ERGIC1: variants seen among roughly 807,000 people sequenced by gnomAD.
The protein encoded by ERGIC1 is endoplasmic reticulum-Golgi intermediate compartment protein 1.
In ERGIC1, 19 loss-of-function variants were observed where a neutral mutation model predicts 38.3. The observed-to-expected ratio is 0.50, with a 90% CI of 0.35 to 0.73. ERGIC1 has a LOEUF of 0.73. Ranked by LOEUF, ERGIC1 falls within the 30% of genes least tolerant of loss-of-function variation. The probability of loss-of-function intolerance (pLI) is 0.01; values close to 1 mark genes in which losing one functional copy is unlikely to be tolerated. For missense variants in ERGIC1, 294 were observed against 389.2 expected (o/e 0.76, Z 2.06); for synonymous variants, 124 against 157.6 (o/e 0.79, Z 1.60).
chr5:172,858,959 G>C (rs893523119), intron 1 of ERGIC1, among the ~76,000 whole-genome samples: 2 of 152,234 alleles, frequency 1.3e-5, no homozygotes, highest in Admixed American at 6.5e-5. Context: ...TACAAGGCCT[G>C]TGGCTGGGGG....
At chr5:172,879,170 G>A (rs1762220095) in intron 1 of ERGIC1, among the ~76,000 whole-genome samples, 1 of 152,244 alleles carries the variant, frequency 6.6e-6, no homozygotes. Context: ...GTCCCAAGCA[G>A]CAAAAGTTAA....
chr5:172,841,265 G>T (rs1015965392), intron 1 of ERGIC1, among the ~76,000 whole-genome samples: 8 of 152,164 alleles, frequency 5.3e-5, no homozygotes, highest in African/African-American at 1.9e-4. Flanking sequence ...GGAGAGGCAG[G>T]GTGAACTCAG....
At chr5:172,863,528 A>G (rs1244370567) in intron 1 of ERGIC1, among the ~76,000 whole-genome samples, 1 of 152,182 alleles carries the variant, frequency 6.6e-6, no homozygotes, top group African/African-American at 2.4e-5. Flanking sequence ...CTTCAGGCTG[A>G]GTGGCCAGGA....
chr5:172,928,569 C>T (rs912110330), intron 7 of ERGIC1, among the ~76,000 whole-genome samples: 2 of 152,250 alleles, frequency 1.3e-5, no homozygotes, highest in Non-Finnish European at 2.9e-5. Context: ...CTTGTTCTCC[C>T]AGTCATCTGC....
intron 9 of ERGIC1, among the ~76,000 whole-genome samples, chr5:172,941,976 G>GT (rs1764020069): frequency 6.6e-6 from 1 of 152,198 alleles, no homozygotes; most frequent in Non-Finnish European, 1.5e-5. Flanking sequence ...GGAGGCCGAG[G>GT]TGGGCGGATC....
At chr5:172,893,699 G>A (rs1158835653) in intron 2 of ERGIC1, among the ~76,000 whole-genome samples, 2 of 151,232 alleles carry the variant, frequency 1.3e-5, no homozygotes, top group South Asian at 2.1e-4. Flanking sequence ...CAGTGGATTT[G>A]TTCAGCAGCT....
rs1763871267 is a variant in ERGIC1 at position 172,935,514 on chromosome 5, G to GT, written c.765+205dup. The GT allele has an allele frequency of 1.0e-5, 6 of 596,294 alleles. No individual in the cohort carries two copies. The South Asian group carries it at 1.5e-4, about 14-fold the overall frequency. The allele number at this position is 596,294 out of a possible 1,614,324, so 36.9% of individuals were successfully genotyped here. A position where few individuals can be genotyped will look rare whatever the true frequency, so the allele number is the denominator to read the frequency against. ...AACACATCAGTATCGATGACGTTTTGTCTAGAAAGTATTTTCCAGAGGGGA... is the reference window on the plus strand; with the variant it reads ...AACACATCAGTATCGATGACGTTTTGTTCTAGAAAGTATTTTCCAGAGGGGA... On this transcript the variant is annotated intron_variant, in intron 9 of 9. Transcript: ENST00000393784.
At chr5:172,865,804 A>G (rs1385529629) in intron 1 of ERGIC1, among the ~76,000 whole-genome samples, 2 of 151,936 alleles carry the variant, frequency 1.3e-5, no homozygotes, top group Non-Finnish European at 2.9e-5. Context: ...ATTCTTTTTT[A>G]TTGTTATAGT....
chr5:172,935,578 A>C, intron 9 of ERGIC1: 13 of 416,312 alleles, frequency 3.1e-5, no homozygotes, highest in Non-Finnish European at 4.8e-5. Flanking sequence ...GCAAATCTCC[A>C]TATGGTTCCA....
In ERGIC1 at chr5:172,924,763, A is replaced by T. The variant is rs2112244; in HGVS notation, c.480+654A>T. 3.7e-3 allele frequency among the ~76,000 whole-genome samples: 568 copies of T among 152,212 alleles called. 21 individuals carry two copies. The East Asian group carries it at 0.082, about 22-fold the overall frequency. ...AGTGGGGTGGAAATCTGATTTTTTT[A>T]AAAAAATGTACAGAACTTAGCTTAG... On this transcript the variant is annotated intron_variant, in intron 6 of 9. Coordinates refer to ENST00000393784, the MANE Select transcript of ERGIC1 (RefSeq NM_001031711.3).
chr5:172,855,317 C>T (rs904060406), intron 1 of ERGIC1, among the ~76,000 whole-genome samples: 5 of 152,182 alleles, frequency 3.3e-5, no homozygotes, highest in African/African-American at 1.2e-4. Flanking sequence ...GCTCCACGCC[C>T]CATACCTCTC....
Position 172,857,776 on chromosome 5 carries a change from C to T in ERGIC1, c.20+23343C>T, listed in dbSNP as rs969318180. Among the ~76,000 whole-genome samples, 8 of 152,082 alleles carry T rather than the reference C, an allele frequency of 5.3e-5. No individual in the cohort carries two copies. The East Asian group carries it at 7.7e-4, about 15-fold the overall frequency. The stretch of plus-strand genomic sequence containing the variant: ...CCCCGGGTTCTTGTCTTACAGCTTA[C>T]GTTATGGTTCCTGGAGTGAGAGGAG... On this transcript the variant is annotated intron_variant, in intron 1 of 9. Coordinates refer to ENST00000393784, the MANE Select transcript of ERGIC1 (RefSeq NM_001031711.3).
chr5:172,907,236 C>G (rs980084292), intron 3 of ERGIC1, among the ~76,000 whole-genome samples: 1 of 152,228 alleles, frequency 6.6e-6, no homozygotes, highest in Non-Finnish European at 1.5e-5. Context: ...GAGTGCGAGC[C>G]TGACCCCGTG....
intron 4 of ERGIC1, among the ~76,000 whole-genome samples, chr5:172,911,690 G>C (rs1369111515): frequency 5.3e-5 from 8 of 152,252 alleles, no homozygotes; most frequent in Admixed American, 4.6e-4. Flanking sequence ...ACATCATTCT[G>C]TCCAGCTGGC....
chr5:172,895,031 G>T (rs996774249), intron 2 of ERGIC1, among the ~76,000 whole-genome samples: 2 of 152,260 alleles, frequency 1.3e-5, no homozygotes, highest in Non-Finnish European at 2.9e-5. Flanking sequence ...ATAACTGGCT[G>T]TCACATCCGT....
At chr5:172,861,955 C>A (rs1330123840) in intron 1 of ERGIC1, among the ~76,000 whole-genome samples, 1 of 151,990 alleles carries the variant, frequency 6.6e-6, no homozygotes, top group Non-Finnish European at 1.5e-5. Flanking sequence ...TTAGAAATTC[C>A]TGCCAAGAAC....
intron 1 of ERGIC1, among the ~76,000 whole-genome samples, chr5:172,869,186 C>T (rs1761943034): frequency 6.6e-6 from 1 of 152,200 alleles, no homozygotes; most frequent in Non-Finnish European, 1.5e-5. Flanking sequence ...GACAGATCTT[C>T]CCCCCTGGGG....
intron 7 of ERGIC1, among the ~76,000 whole-genome samples, chr5:172,931,857 C>CTTTT (rs375589121): frequency 0.2 from 24,312 of 122,678 alleles, 3,181 homozygotes; most frequent in African/African-American, 0.26. Flanking sequence ...AGCACCCACA[C>CTTTT]TTTTTTTTTT....
At chr5:172,886,492 A>G (rs1247160113) in intron 1 of ERGIC1, among the ~76,000 whole-genome samples, 2 of 152,138 alleles carry the variant, frequency 1.3e-5, no homozygotes, top group East Asian at 1.9e-4. Context: ...CTTTGCCTCT[A>G]CCGCTAAACT....
Sources: allele counts gnomAD v4.1 joint callset (sites outside exome capture counted in the v4.1 genomes callset), GRCh38; gene constraint gnomAD v4.1.1; transcripts MANE v1.5; gene names NCBI Gene and HGNC (gene_info 2026-07-23, HGNC 2026-07-21).